The following CDH13 variants were observed in gnomAD, a reference collection of about 807,000 sequenced individuals.
CDH13 encodes the protein cadherin 13.
A neutral mutation model predicts 63.8 loss-of-function variants in CDH13; 24 were observed. That is an observed-to-expected ratio of 0.38 (90% confidence interval 0.27 to 0.53). The LOEUF (loss-of-function observed/expected upper bound fraction) is 0.53, where lower values mean the gene tolerates loss of function less well. Ranked by LOEUF, CDH13 falls within the 20% of genes least tolerant of loss-of-function variation. The pLI is 0.85. For synonymous variants in CDH13, 503 were observed against 355.3 expected (o/e 1.42, Z -4.67); for missense variants, 1,049 against 903.1 (o/e 1.16, Z -2.07).
chr16:83,379,938 T>TATATATATATAGAGAGAGAGAGAG, intron 6 of CDH13, among the ~76,000 whole-genome samples: 106 of 123,430 alleles, frequency 8.6e-4, no homozygotes, highest in Non-Finnish European at 7.4e-4. Flanking sequence ...TATATATATA[T>TATATATATATAGAGAGAGAGAGAG]AGAGAGAGAG....
At chr16:83,317,130 C>T (rs747028168) in intron 5 of CDH13, among the ~76,000 whole-genome samples, 10 of 152,174 alleles carry the variant, frequency 6.6e-5, no homozygotes, top group African/African-American at 1.2e-4. Flanking sequence ...TCCTACAATG[C>T]CCAGAAAAGT....
intron 7 of CDH13, among the ~76,000 whole-genome samples, chr16:83,527,668 C>T (rs959018318): frequency 2.0e-5 from 3 of 152,042 alleles, no homozygotes; most frequent in Non-Finnish European, 4.4e-5. Flanking sequence ...TACACCTGAC[C>T]CAGGTGCTAC....
intron 2 of CDH13, among the ~76,000 whole-genome samples, chr16:82,891,674 G>T (rs1230734875): frequency 6.6e-6 from 1 of 152,196 alleles, no homozygotes; most frequent in African/African-American, 2.4e-5. Flanking sequence ...AAATGCCAGT[G>T]ACCATGGCAT....
chr16:82,713,354 C>T (rs1567456640), intron 1 of CDH13, among the ~76,000 whole-genome samples: 2 of 152,050 alleles, frequency 1.3e-5, no homozygotes, highest in African/African-American at 2.4e-5. Flanking sequence ...ATCCATCAAG[C>T]CTGATTTGAA....
chr16:83,726,880 A>C (rs1384694873), intron 10 of CDH13, among the ~76,000 whole-genome samples: 1 of 150,710 alleles, frequency 6.6e-6, no homozygotes, highest in Non-Finnish European at 1.5e-5. Context: ...GCGTTCTGTC[A>C]GTCAAGAGTA....
intron 1 of CDH13, among the ~76,000 whole-genome samples, chr16:82,807,227 G>A (rs1597653733): frequency 6.6e-6 from 1 of 152,074 alleles, no homozygotes; most frequent in South Asian, 2.1e-4. Flanking sequence ...TAAGTAACGT[G>A]CTATAATTGT....
chr16:83,728,128 G>C (rs182774918), intron 10 of CDH13, among the ~76,000 whole-genome samples: 1 of 152,152 alleles, frequency 6.6e-6, no homozygotes, highest in Non-Finnish European at 1.5e-5. Flanking sequence ...TGGAAAGGGG[G>C]AACAGCACCG....
chr16:83,721,667 C>G (rs2150937137), intron 10 of CDH13: 1 of 152,336 alleles, frequency 6.6e-6, no homozygotes, highest in Non-Finnish European at 1.5e-5. Flanking sequence ...GAAATCCAAA[C>G]CAGCAAACAA....
chr16:82,950,620 G>A (rs553900100), intron 2 of CDH13, among the ~76,000 whole-genome samples: 1 of 152,068 alleles, frequency 6.6e-6, no homozygotes, highest in Non-Finnish European at 1.5e-5. Context: ...CTCCAGCCAC[G>A]TGTAACTGTG....
At chr16:82,886,230 T>G (rs2040882037) in intron 2 of CDH13, among the ~76,000 whole-genome samples, 1 of 152,230 alleles carries the variant, frequency 6.6e-6, no homozygotes, top group South Asian at 2.1e-4. Flanking sequence ...AATGCTGCAG[T>G]GAACATCCTT....
chr16:83,749,926 C>T (rs529108287), intron 11 of CDH13, among the ~76,000 whole-genome samples: 1 of 152,276 alleles, frequency 6.6e-6, no homozygotes, highest in African/African-American at 2.4e-5. Context: ...CATGCTAGTT[C>T]TGGTGTTGAG....
At chr16:83,629,511 T>C (rs961550647) in intron 8 of CDH13, among the ~76,000 whole-genome samples, 4 of 152,206 alleles carry the variant, frequency 2.6e-5, no homozygotes, top group African/African-American at 9.7e-5. Flanking sequence ...CAGCATGCCA[T>C]CTCTCCACTT....
chr16:83,242,660 T>A (rs954186659), intron 5 of CDH13, among the ~76,000 whole-genome samples: 7 of 152,186 alleles, frequency 4.6e-5, no homozygotes, highest in African/African-American at 1.7e-4. Flanking sequence ...GAGGCAAAAT[T>A]CTCTGTCTTA....
chr16:82,933,398 C>A (rs929337378), intron 2 of CDH13, among the ~76,000 whole-genome samples: 3 of 152,114 alleles, frequency 2.0e-5, no homozygotes, highest in African/African-American at 7.2e-5. Context: ...CCCTCATGAT[C>A]CAATCACCAC....
chr16:83,714,136 G>A (rs1009481682), intron 10 of CDH13, among the ~76,000 whole-genome samples: 1 of 152,118 alleles, frequency 6.6e-6, no homozygotes, highest in Non-Finnish European at 1.5e-5. Flanking sequence ...AGGAAGAAGT[G>A]AAAATAGATG....
intron 10 of CDH13, among the ~76,000 whole-genome samples, chr16:83,679,863 G>A (rs547998088): frequency 6.6e-6 from 1 of 152,190 alleles, no homozygotes; most frequent in Non-Finnish European, 1.5e-5. Context: ...TTTGGACCCT[G>A]TGTCTCTGCC....
chr16:83,234,596 G>A lies in CDH13; in HGVS notation c.636+17099G>A, dbSNP rs898118488. Among the ~76,000 whole-genome samples, 21 of 152,276 alleles carry A rather than the reference G, an allele frequency of 1.4e-4. No homozygotes were observed. In the East Asian group the frequency reaches 1.9e-3, roughly 14 times the overall value. ...AGCACCGCTGGGGTTCAGGTGTGGC[G>A]TGAGTGTGTTTCCTGAATGATCACT... On this transcript the variant is annotated intron_variant, in intron 5 of 13. Transcript: ENST00000567109.
At chr16:83,738,908 A>T (rs1272847572) in intron 10 of CDH13, among the ~76,000 whole-genome samples, 6 of 152,210 alleles carry the variant, frequency 3.9e-5, no homozygotes, top group Admixed American at 2.6e-4. Flanking sequence ...TCCGTCTGAA[A>T]ACAAAAAGGG....
At chr16:83,127,223 C>G (rs1385985946) in intron 4 of CDH13, among the ~76,000 whole-genome samples, 1 of 152,152 alleles carries the variant, frequency 6.6e-6, no homozygotes, top group Admixed American at 6.5e-5. Flanking sequence ...GAGAGGCCAG[C>G]CTGCCCTTGG....
Sources: gnomAD v4.1 joint callset for allele counts (sites outside exome capture counted in the v4.1 genomes callset) on GRCh38, gnomAD v4.1.1 for gene constraint, MANE v1.5 for transcripts, NCBI Gene and HGNC (gene_info 2026-07-23, HGNC 2026-07-21) for gene names.